Variants in CSMD1 observed in about 807,000 individuals in gnomAD.
The protein encoded by CSMD1 is CUB and sushi domain-containing protein 1.
In CSMD1, 213 loss-of-function variants were observed where a neutral mutation model predicts 417.5. The ratio of observed to expected loss-of-function variants is 0.51; its 90% confidence interval spans 0.46 to 0.57. CSMD1 has a LOEUF of 0.57. Ranked by LOEUF, CSMD1 falls within the 20% of genes least tolerant of loss-of-function variation. The probability of loss-of-function intolerance (pLI) is 0.00; values close to 1 mark genes in which losing one functional copy is unlikely to be tolerated. For synonymous variants in CSMD1, 2,862 were observed against 1,736.8 expected, an observed-to-expected ratio of 1.65 and a Z score of -16.11; for missense variants, 6,923 against 4,529.7, an observed-to-expected ratio of 1.53 and a Z score of -15.17.
At chr8:3,017,523 A>C (rs1808947925) in intron 52 of CSMD1, among the ~76,000 whole-genome samples, 1 of 152,222 alleles carries the variant, frequency 6.6e-6, no homozygotes, top group South Asian at 2.1e-4. Flanking sequence ...AGACAGAGTG[A>C]GAAAGAGTGT....
At chr8:3,947,640 G>A (rs539355977) in intron 5 of CSMD1, among the ~76,000 whole-genome samples, 27 of 151,792 alleles carry the variant, frequency 1.8e-4, no homozygotes, top group African/African-American at 6.0e-4. Context: ...CACATATTCT[G>A]TTATCAATTT....
intron 3 of CSMD1, among the ~76,000 whole-genome samples, chr8:4,054,574 TG>T (rs1345717853): frequency 6.6e-6 from 1 of 152,104 alleles, no homozygotes; most frequent in Non-Finnish European, 1.5e-5. Flanking sequence ...TCAACCCTCT[TG>T]GTGGTGTAGT....
intron 3 of CSMD1, among the ~76,000 whole-genome samples, chr8:4,335,722 A>G (rs1212377037): frequency 6.6e-6 from 1 of 152,138 alleles, no homozygotes; most frequent in Non-Finnish European, 1.5e-5. Context: ...AATAACAAAT[A>G]GTGTACCTTA....
chr8:3,045,093 T>A (rs142004406), intron 50 of CSMD1, among the ~76,000 whole-genome samples: 16 of 152,312 alleles, frequency 1.1e-4, no homozygotes, highest in Admixed American at 2.6e-4. Flanking sequence ...GCCACATCTC[T>A]TTTTTACAAA....
chr8:4,680,975 TGAGAGAGAGA>T (rs59872965), intron 1 of CSMD1, among the ~76,000 whole-genome samples: 3 of 136,682 alleles, frequency 2.2e-5, no homozygotes, highest in African/African-American at 8.4e-5. Flanking sequence ...TGTGTGTGTG[TGAGAGAGAGA>T]GAGAGAGAGA....
At position 3,377,183 on chromosome 8, in the gene CSMD1, G is replaced by GT. The variant is rs375428498; in HGVS notation, c.2783-7814dup. On this transcript the variant is annotated intron_variant, in intron 18 of 69. Coordinates refer to ENST00000635120, the MANE Select transcript of CSMD1 (RefSeq NM_033225.6). The stretch of plus-strand genomic sequence containing the variant: ...GCCAATACCCCCAGCTAATTTTTGT[G>GT]TTTTTTTGTGTGGAAATGGGGTTTT... Among the ~76,000 whole-genome samples, 802 of 152,158 alleles carry GT rather than the reference G, an allele frequency of 5.3e-3. 3 individuals carry two copies. Among genetic ancestry groups the GT allele is most frequent in the African/African-American group, 6.8e-3 (281 of 41,538 alleles).
intron 1 of CSMD1, among the ~76,000 whole-genome samples, chr8:4,727,190 G>A (rs1809515889): frequency 6.6e-6 from 1 of 152,086 alleles, no homozygotes; most frequent in African/African-American, 2.4e-5. Flanking sequence ...CATTCTCTCT[G>A]AGAAAGGACT....
Position 4,637,512 on chromosome 8 carries a change from C to G in CSMD1, c.132G>C (p.Glu44Asp). 6.2e-7 allele frequency: 1 copy of G among 1,613,914 alleles called. No homozygotes were observed. ...GATACCCGTGAGGAAACCCTGGGCT[C>G]TCAATAGTGCCATTGGGACCCTGGA... The part of the protein sequence containing the change: ...GLVQGPNGTI[E>D]SPGFPHGYPN... The change falls in exon 2 of 70, where the codon GAG becomes GAC. Residue 44 changes from glutamate to aspartate, a missense_variant. By Grantham distance (45) the Glu-to-Asp change is conservative. Transcript: ENST00000635120.
chr8:4,748,811 G>A (rs1811120209), intron 1 of CSMD1, among the ~76,000 whole-genome samples: 1 of 152,214 alleles, frequency 6.6e-6, no homozygotes, highest in Non-Finnish European at 1.5e-5. Flanking sequence ...TCACCATTGT[G>A]AACATATGCC....
At chr8:4,710,747 A>C (rs1468786729) in intron 1 of CSMD1, among the ~76,000 whole-genome samples, 1 of 151,806 alleles carries the variant, frequency 6.6e-6, no homozygotes, top group Non-Finnish European at 1.5e-5. Flanking sequence ...TGGGAGTCTG[A>C]GGCAGGTAAA....
intron 25 of CSMD1, 110 bp from the exon 26 acceptor site, chr8:3,284,456 G>A (rs892632764): frequency 2.7e-6 from 2 of 740,812 alleles, no homozygotes; most frequent in East Asian, 2.7e-5. Context: ...CCACCAACAT[G>A]TGCCTCGGTA....
At chr8:3,106,767 GTATT>G in intron 45 of CSMD1, 126 bp from the exon 46 acceptor site, 1 of 530,704 alleles carries the variant, frequency 1.9e-6, no homozygotes, top group Non-Finnish European at 3.4e-6. Context: ...AACTATGTCT[GTATT>G]TATTTTTAGT....
intron 4 of CSMD1, among the ~76,000 whole-genome samples, chr8:4,026,243 A>G (rs1310150147): frequency 6.6e-6 from 1 of 152,216 alleles, no homozygotes; most frequent in Non-Finnish European, 1.5e-5. Flanking sequence ...TCATTCAAAT[A>G]TGTTTTATAA....
chr8:3,940,305 A>C (rs1810790379), intron 5 of CSMD1, among the ~76,000 whole-genome samples: 1 of 152,114 alleles, frequency 6.6e-6, no homozygotes, highest in African/African-American at 2.4e-5. Context: ...GTGAATTTAT[A>C]TATACACTTA....
intron 3 of CSMD1, among the ~76,000 whole-genome samples, chr8:4,378,678 C>T (rs997327826): frequency 2.0e-5 from 3 of 152,152 alleles, no homozygotes; most frequent in Admixed American, 2.0e-4. Context: ...CCCTTCCTGT[C>T]CCTGCTCAAA....
chr8:4,598,698 C>T (rs1457470475), intron 2 of CSMD1, among the ~76,000 whole-genome samples: 2 of 152,158 alleles, frequency 1.3e-5, no homozygotes, highest in Admixed American at 6.5e-5. Flanking sequence ...TGACAATAAG[C>T]ATTAATTAGT....
chr8:3,055,975 C>G (rs1166574712), intron 49 of CSMD1, among the ~76,000 whole-genome samples: 2 of 152,200 alleles, frequency 1.3e-5, no homozygotes, highest in Non-Finnish European at 2.9e-5. Context: ...CCTCTGTCCA[C>G]ACGACATAGG....
intron 1 of CSMD1, among the ~76,000 whole-genome samples, chr8:4,923,983 T>G (rs180996970): frequency 5.3e-5 from 8 of 152,284 alleles, no homozygotes; most frequent in African/African-American, 1.9e-4. Flanking sequence ...CCTTTGATAG[T>G]TTAAGAAAGT....
chr8:3,653,168 A>C (rs1370891403), intron 7 of CSMD1, among the ~76,000 whole-genome samples: 1 of 151,780 alleles, frequency 6.6e-6, no homozygotes, highest in Non-Finnish European at 1.5e-5. Flanking sequence ...ATATATTTTT[A>C]AATATATAAA....
Sources: allele counts gnomAD v4.1 joint callset (sites outside exome capture counted in the v4.1 genomes callset), GRCh38; gene constraint gnomAD v4.1.1; transcripts MANE v1.5; gene names NCBI Gene and HGNC (gene_info 2026-07-23, HGNC 2026-07-21).